Variants in KMT2C observed in about 807,000 individuals in gnomAD.
KMT2C encodes lysine methyltransferase 2C, also known as histone-lysine N-methyltransferase 2C.
KMT2C carries 88 observed loss-of-function variants against 507.9 expected under a neutral mutation model. The observed-to-expected ratio is 0.17, with a 90% confidence interval of 0.15 to 0.21. The LOEUF (loss-of-function observed/expected upper bound fraction) is 0.21, where lower values mean the gene tolerates loss of function less well. Among genes scored for constraint, KMT2C ranks in the 10% least tolerant of loss-of-function variants. The pLI is 1.00. For synonymous variants in KMT2C, 2,049 were observed against 2,080.8 expected (o/e 0.98, Z 0.42); for missense variants, 4,954 against 5,957.8 (o/e 0.83, Z 5.55).
chr7:152,151,066 G>A lies in KMT2C; in HGVS notation c.12667-59C>T, dbSNP rs977403150. ...ACAAGTCAAAATTTAATAAAAACAG[G>A]ATCTATACATTATTTTTATGTTATA... is the stretch of plus-strand genomic sequence containing the variant. On this transcript the variant is annotated intron_variant, in intron 50 of 58. Transcript: ENST00000262189. 9.0e-6 allele frequency: 9 copies of A among 994,506 alleles called. No individual in the cohort carries two copies. The Admixed American group carries it at 1.7e-4, about 19-fold the overall frequency. The allele number at this position is 994,506 out of a possible 1,614,324, so 61.6% of individuals were successfully genotyped here. A position where few individuals can be genotyped will look rare whatever the true frequency, so the allele number is the denominator to read the frequency against.
At chr7:152,395,314 G>C (rs1267618378) in intron 1 of KMT2C, among the ~76,000 whole-genome samples, 1 of 151,664 alleles carries the variant, frequency 6.6e-6, no homozygotes, top group African/African-American at 2.4e-5. Flanking sequence ...CTCCTGAGTA[G>C]CTGGGACTAC....
At position 152,230,321 on chromosome 7, in the gene KMT2C, C is replaced by T. The variant is rs770115906; in HGVS notation, c.2770G>A (p.Val924Met). 9 of 1,500,124 alleles carry T rather than the reference C, an allele frequency of 6.0e-6. No homozygotes were observed. The East Asian group carries it at 1.1e-4, about 19-fold the overall frequency. The allele number at this position is 1,500,124 out of a possible 1,614,324, so 92.9% of individuals were successfully genotyped here. ...TTTGATGAAATATCTGCAGTAGACA[C>T]CTATAAAAAGCAAAATACACAGAAT... ...SGIGAVVLPG[V>M]STADISSNKD... The change falls in exon 17 of 59, where the codon GTG becomes ATG. Residue 924 changes from valine to methionine, a missense_variant and splice_region_variant. Coordinates refer to ENST00000262189, the MANE Select transcript of KMT2C (RefSeq NM_170606.3).
At chr7:152,374,600 T>C (rs1297933793) in intron 1 of KMT2C, among the ~76,000 whole-genome samples, 1 of 151,410 alleles carries the variant, frequency 6.6e-6, no homozygotes. Flanking sequence ...CTAGTAGGAG[T>C]GTAAACTGAA....
At chr7:152,201,046 T>C (rs1048798087) in intron 26 of KMT2C, among the ~76,000 whole-genome samples, 1 of 152,054 alleles carries the variant, frequency 6.6e-6, no homozygotes, top group Non-Finnish European at 1.5e-5. Context: ...GTTTTAGAAG[T>C]TTAGAGGTCA....
chr7:152,271,099 A>G (rs1252356961), intron 7 of KMT2C, among the ~76,000 whole-genome samples: 4 of 152,218 alleles, frequency 2.6e-5, no homozygotes, highest in African/African-American at 9.6e-5. Flanking sequence ...AGCAATTAAT[A>G]CATACAAGGC....
intron 2 of KMT2C, among the ~76,000 whole-genome samples, chr7:152,341,577 G>A (rs2096992563): frequency 6.6e-6 from 1 of 152,184 alleles, no homozygotes; most frequent in Admixed American, 6.5e-5. Flanking sequence ...GCTTGGAGCT[G>A]TGTAATTCCA....
chr7:152,143,979 A>G (rs185976587), intron 55 of KMT2C, among the ~76,000 whole-genome samples: 1 of 152,304 alleles, frequency 6.6e-6, no homozygotes, highest in African/African-American at 2.4e-5. Context: ...CTAAGAGTGG[A>G]TCTGAGAGAA....
chr7:152,345,726 G>A (rs1376965260), intron 2 of KMT2C, among the ~76,000 whole-genome samples: 2 of 152,018 alleles, frequency 1.3e-5, no homozygotes, highest in African/African-American at 4.8e-5. Context: ...TCACCACGTT[G>A]GTCAGGCTGG....
intron 49 of KMT2C, among the ~76,000 whole-genome samples, chr7:152,152,202 C>T (rs961242986): frequency 2.6e-5 from 4 of 152,182 alleles, no homozygotes; most frequent in Non-Finnish European, 2.9e-5. Flanking sequence ...ACATCATGGT[C>T]GGTCTAAGGA....
Position 152,139,165 on chromosome 7 carries a change from T to C in KMT2C, c.14534+21A>G, listed in dbSNP as rs375657633. ...GCCCCACAAGCAAAAGCACTCCCCG[T>C]CAGGTTCCTCGCTGTCTCACCTTGC... On this transcript the variant is annotated intron_variant, in intron 57 of 58. Transcript: ENST00000262189. 30 of 1,612,476 alleles carry C rather than the reference T, an allele frequency of 1.9e-5. No individual in the cohort carries two copies. The African/African-American group carries it at 3.7e-4, about 20-fold the overall frequency.
intron 3 of KMT2C, among the ~76,000 whole-genome samples, chr7:152,330,165 G>GT (rs2096868472): frequency 8.8e-6 from 1 of 114,258 alleles, no homozygotes; most frequent in Non-Finnish European, 1.8e-5. Context: ...GGGGGGAGGG[G>GT]TGGTGGGGGG....
chr7:152,181,497 G>A lies in KMT2C; in HGVS notation c.6363C>T (p.Thr2121=), dbSNP rs1174807837. Reference sequence around the variant, plus strand: ...GGTCCTGAGATGTTGGCCTTGATATGGTTCCAGGCTGGGAAAAAGCCCTTG... The same window carrying A: ...GGTCCTGAGATGTTGGCCTTGATATAGTTCCAGGCTGGGAAAAAGCCCTTG... ...HPSRAFSQPG[T]ISRPTSQDPY... The change falls in exon 36 of 59, where the codon ACC becomes ACT. Residue 2121 remains threonine, a synonymous_variant. Transcript: ENST00000262189. The A allele has an allele frequency of 4.3e-6, 7 of 1,614,058 alleles. No individual in the cohort carries two copies. Among genetic ancestry groups the A allele is most frequent in the African/African-American group, 1.3e-5 (1 of 75,006 alleles).
At chr7:152,381,622 C>T (rs1022374757) in intron 1 of KMT2C, among the ~76,000 whole-genome samples, 3 of 152,238 alleles carry the variant, frequency 2.0e-5, no homozygotes, top group Admixed American at 2.0e-4. Flanking sequence ...AATATAACAC[C>T]ATTTTAATAA....
chr7:152,154,294 G>C lies in KMT2C; in HGVS notation c.12112C>G (p.Pro4038Ala), dbSNP rs2129098660. The C allele has an allele frequency of 6.2e-7, 1 of 1,614,200 alleles. No individual in the cohort carries two copies. The highest frequency in any genetic ancestry group is 8.5e-7 in the Non-Finnish European group (1 of 1,180,030). The change falls in exon 47 of 59, where the codon CCA becomes GCA. Residue 4038 changes from proline to alanine, a missense_variant. Transcript: ENST00000262189. ...TTCCCAGCAGTGCTAGGAAGAATTGGAATGATGGGGGACGGCACCGGTTCT... is the reference window on the plus strand; with the variant it reads ...TTCCCAGCAGTGCTAGGAAGAATTGCAATGATGGGGGACGGCACCGGTTCT... ...PPEPVPSPIIPILPSTAGKSS... is the reference protein window; with the variant it reads ...PPEPVPSPIIAILPSTAGKSS...
At chr7:152,212,616 A>G (rs1290297954) in intron 23 of KMT2C, among the ~76,000 whole-genome samples, 1 of 152,232 alleles carries the variant, frequency 6.6e-6, no homozygotes, top group African/African-American at 2.4e-5. Flanking sequence ...ACAAATAATG[A>G]TCTGAAAAAA....
intron 3 of KMT2C, among the ~76,000 whole-genome samples, chr7:152,324,490 TC>T (rs1380615463): frequency 1.3e-5 from 2 of 151,926 alleles, no homozygotes; most frequent in Non-Finnish European, 2.9e-5. Flanking sequence ...GTATCATGAA[TC>T]ATTTTAGATA....
intron 12 of KMT2C, 57 bp from the exon 13 acceptor site, chr7:152,250,010 C>T: frequency 1.0e-6 from 1 of 967,176 alleles, no homozygotes; most frequent in Non-Finnish European, 1.7e-6. Context: ...TAACACTGTT[C>T]CCTCAACAGT....
At chr7:152,243,974 AAAT>A (rs1375351011) in intron 14 of KMT2C, among the ~76,000 whole-genome samples, 1 of 152,214 alleles carries the variant, frequency 6.6e-6, no homozygotes, top group African/African-American at 2.4e-5. Context: ...CATACAGGGT[AAAT>A]AATACAAGAA....
rs532068337 is a variant in KMT2C, at chr7:152,152,827, C to T, written c.12404G>A (p.Gly4135Asp). ...AAGTAAATGCTGTCGATACTCCAAA[C>T]CCGGGTTGATTCTGTGGCTACTGAC... ...GLVSSHRINP[G>D]LEYRQHLLLR... The change falls in exon 49 of 59, where the codon GGT (glycine) becomes GAT (aspartate). Residue 4135 changes from glycine (G) to aspartate (D), a missense_variant. Physicochemically the swap from Gly to Asp is moderately conservative, Grantham distance 94. Coordinates refer to ENST00000262189, the MANE Select transcript of KMT2C (RefSeq NM_170606.3). 1 of 1,614,192 alleles carries T rather than the reference C, an allele frequency of 6.2e-7. No individual in the cohort carries two copies. Among genetic ancestry groups the T allele is most frequent in the Non-Finnish European group, 8.5e-7 (1 of 1,180,048 alleles).
Sources: allele counts gnomAD v4.1 joint callset (sites outside exome capture counted in the v4.1 genomes callset), GRCh38; gene constraint gnomAD v4.1.1; transcripts MANE v1.5; gene names NCBI Gene and HGNC (gene_info 2026-07-23, HGNC 2026-07-21).